Variants in SDK2 observed in about 807,000 individuals in gnomAD.
SDK2 encodes the protein sidekick cell adhesion molecule 2.
SDK2 carries 105 observed loss-of-function variants against 253.9 expected under a neutral mutation model. The ratio of observed to expected loss-of-function variants is 0.41; its 90% CI spans 0.35 to 0.49. The LOEUF (loss-of-function observed/expected upper bound fraction) is 0.49. Ranked by LOEUF, SDK2 falls within the 20% of genes least tolerant of loss-of-function variation. The pLI, the probability that SDK2 is intolerant of heterozygous loss-of-function variation, is 0.06. For synonymous variants in SDK2, 1,249 were observed against 1,234.9 expected (o/e 1.01, Z -0.24); for missense variants, 2,608 against 3,003.0 (o/e 0.87, Z 3.07).
At chr17:73,598,492 C>T (rs1423807642) in intron 1 of SDK2, among the ~76,000 whole-genome samples, 3 of 152,206 alleles carry the variant, frequency 2.0e-5, no homozygotes, top group Admixed American at 2.0e-4. Flanking sequence ...TGCCTGTCTC[C>T]CCTGGCTTCC....
At chr17:73,544,756 G>T (rs948384820) in intron 1 of SDK2, among the ~76,000 whole-genome samples, 1 of 152,184 alleles carries the variant, frequency 6.6e-6, no homozygotes, top group Non-Finnish European at 1.5e-5. Flanking sequence ...GATCATGGAG[G>T]GGAAATGGCT....
intron 2 of SDK2, among the ~76,000 whole-genome samples, chr17:73,472,895 C>T (rs1045597318): frequency 1.3e-5 from 2 of 152,214 alleles, no homozygotes; most frequent in African/African-American, 4.8e-5. Flanking sequence ...TCTTTGCCTT[C>T]TGCCATCCAT....
intron 1 of SDK2, among the ~76,000 whole-genome samples, chr17:73,572,829 C>T (rs1012654068): frequency 9.2e-5 from 14 of 152,206 alleles, no homozygotes; most frequent in African/African-American, 3.4e-4. Context: ...CTCCTCCACC[C>T]CAATCTGGTC....
intron 17 of SDK2, among the ~76,000 whole-genome samples, chr17:73,415,237 C>T (rs536222519): frequency 5.8e-4 from 88 of 152,222 alleles, no homozygotes; most frequent in African/African-American, 2.0e-3. Flanking sequence ...GAGAACAGGC[C>T]ACACAGCCAA....
Position 73,386,490 on chromosome 17 carries a change from T to A in SDK2, c.4453A>T (p.Ser1485Cys). 1.9e-6 allele frequency: 3 copies of A among 1,562,280 alleles called. No individual in the cohort carries two copies. Among genetic ancestry groups the A allele is most frequent in the Non-Finnish European group, 2.6e-6 (3 of 1,153,112 alleles). Reference sequence around the variant, plus strand: ...GACTCCGACTCCTCGCTGAACTCGCTGTCGCCAATGTCATTGGTCGCCTTC... The same window carrying A: ...GACTCCGACTCCTCGCTGAACTCGCAGTCGCCAATGTCATTGGTCGCCTTC... ...RVKATNDIGD[S>C]EFSEESESLT... The change falls in exon 31 of 45, where the codon AGC (serine) becomes TGC (cysteine). Residue 1485 changes from serine to cysteine, a missense_variant. By Grantham distance (112) the Ser-to-Cys change is moderately radical (BLOSUM62 -1). Around this residue, in one of 2 missense-constraint regions of SDK2, gnomAD observed 1,103 missense variants for 1,143.9 expected, o/e 0.96. Coordinates refer to ENST00000392650, the MANE Select transcript of SDK2 (RefSeq NM_001144952.2).
chr17:73,379,994 C>T lies in SDK2; in HGVS notation c.4763-445G>A, dbSNP rs753082929. ...GGGGCTCAGCTCCAGGGGGGAGGGG[C>T]GCATTGGATGTGAATTCTGGACTAA... On this transcript the variant is annotated intron_variant, in intron 34 of 44. Coordinates refer to ENST00000392650, the MANE Select transcript of SDK2 (RefSeq NM_001144952.2). The surrounding 1 kb of genome is among the most constrained non-coding windows in gnomAD (Gnocchi z 4.5). 2.3e-4 allele frequency among the ~76,000 whole-genome samples: 35 copies of T among 152,114 alleles called. No individual in the cohort carries two copies. The highest frequency in any genetic ancestry group is 2.9e-4 in the Non-Finnish European group (20 of 67,992).
chr17:73,543,403 C>A lies in SDK2; in HGVS notation c.65-35806G>T, dbSNP rs575673109. Among the ~76,000 whole-genome samples the A allele has an allele frequency of 3.3e-5, 5 of 152,320 alleles. No individual in the cohort carries two copies. The East Asian group carries it at 5.8e-4, about 18-fold the overall frequency. On this transcript the variant is annotated intron_variant, in intron 1 of 44. Transcript: ENST00000392650. ...TCATATCCCCTGGGAAAAGATTCCC[C>A]ACTCTGAGGACAGGTGTGTGGCACA...
At chr17:73,358,867 G>A (rs72853930) in intron 39 of SDK2, among the ~76,000 whole-genome samples, 21 of 152,078 alleles carry the variant, frequency 1.4e-4, no homozygotes, top group East Asian at 3.9e-4. Flanking sequence ...GCCCCATGCC[G>A]CGCTCCTGGA....
At chr17:73,636,113 GC>G (rs1286626818) in intron 1 of SDK2, among the ~76,000 whole-genome samples, 1 of 152,158 alleles carries the variant, frequency 6.6e-6, no homozygotes. Context: ...AGTGACGTAT[GC>G]CGTGGAAGCC....
intron 1 of SDK2, among the ~76,000 whole-genome samples, chr17:73,579,496 G>A (rs1015157791): frequency 4.6e-5 from 7 of 152,150 alleles, no homozygotes; most frequent in Non-Finnish European, 8.8e-5. Context: ...CTGAGCTCAC[G>A]TAGCGCTTCT....
At chr17:73,535,235 T>C (rs1185659344) in intron 1 of SDK2, among the ~76,000 whole-genome samples, 3 of 152,198 alleles carry the variant, frequency 2.0e-5, no homozygotes, top group African/African-American at 7.2e-5. Flanking sequence ...AGAGCAGGAC[T>C]ATGGGAGTCA....
At position 73,612,323 on chromosome 17, in the gene SDK2, C is replaced by T. The variant is rs1408427090; in HGVS notation, c.64+31702G>A. 4.0e-5 allele frequency among the ~76,000 whole-genome samples: 6 copies of T among 149,958 alleles called. No individual in the cohort carries two copies. Among genetic ancestry groups the T allele is most frequent in the African/African-American group, 9.8e-5 (4 of 40,646 alleles). On this transcript the variant is annotated intron_variant, in intron 1 of 44. Transcript: ENST00000392650. This position sits in a 1 kb window ranked among gnomAD's most constrained non-coding sequence, Gnocchi z 4.4. ...GCCCCGCATGGTCCCCTACCCTCATCGGGTCACTGTGACCCAGCTGCACCT... is the reference window on the plus strand; with the variant it reads ...GCCCCGCATGGTCCCCTACCCTCATTGGGTCACTGTGACCCAGCTGCACCT...
In SDK2 at chr17:73,361,760, G is replaced by A. The variant is rs1259452545; in HGVS notation, c.5391C>T (p.Tyr1797=). The A allele has an allele frequency of 1.2e-6, 2 of 1,613,552 alleles. No homozygotes were observed. Among genetic ancestry groups the A allele is most frequent in the Non-Finnish European group, 1.7e-6 (2 of 1,179,682 alleles). The change falls in exon 39 of 45, where the codon TAC becomes TAT. Residue 1797 remains tyrosine, a synonymous_variant. Coordinates refer to ENST00000392650, the MANE Select transcript of SDK2 (RefSeq NM_001144952.2). This position sits in a 1 kb window ranked among gnomAD's most constrained non-coding sequence, Gnocchi z 4.1. ...KVKDLAEGVT[Y]RFRIRAKTFT... ...AGGTCTTGGCTCTGATGCGGAACCT[G>A]TAGGTCACCCCCTCCGCCAGGTCCT... is the stretch of plus-strand genomic sequence containing the variant.
chr17:73,436,622 G>GCC (rs957448611), intron 8 of SDK2, among the ~76,000 whole-genome samples: 5 of 147,782 alleles, frequency 3.4e-5, no homozygotes, highest in African/African-American at 1.2e-4. Flanking sequence ...AGAAGAGTTG[G>GCC]CCACACCCTA....
At chr17:73,640,126 T>C (rs956541509) in intron 1 of SDK2, among the ~76,000 whole-genome samples, 1 of 152,152 alleles carries the variant, frequency 6.6e-6, no homozygotes, top group African/African-American at 2.4e-5. Flanking sequence ...TGTAAAGAAT[T>C]TGGCCTCCTT....
Position 73,415,900 on chromosome 17 carries a change from C to T in SDK2, c.2279G>A (p.Trp760Ter). 1 of 1,604,826 alleles carries T rather than the reference C, an allele frequency of 6.2e-7. No individual in the cohort carries two copies. The highest frequency in any genetic ancestry group is 8.5e-7 in the Non-Finnish European group (1 of 1,175,836). The change falls in exon 17 of 45, where the codon TGG (tryptophan) becomes TAG (stop). Residue 760 changes from tryptophan (W) to a stop codon, truncating the protein, a stop_gained. Transcript: ENST00000392650. LOFTEE classifies it high-confidence loss of function. ...NNLLLEDLIIWTNYEIEVAAY... is the reference protein window; with the variant it reads ...NNLLLEDLII ...AGCCACCTCGATCTCGTAGTTGGTC[C>T]AAATGATGAGATCCTCCAGCAGCAG... is the stretch of plus-strand genomic sequence containing the variant.
intron 3 of SDK2, among the ~76,000 whole-genome samples, chr17:73,466,713 A>AGCCCC: frequency 1.2e-5 from 1 of 81,924 alleles, no homozygotes; most frequent in African/African-American, 6.8e-5. Context: ...GCTCTGGGGA[A>AGCCCC]CGCCCCCCCC....
intron 1 of SDK2, among the ~76,000 whole-genome samples, chr17:73,582,298 C>T (rs2045546791): frequency 1.4e-5 from 2 of 148,118 alleles, no homozygotes; most frequent in South Asian, 4.2e-4. Flanking sequence ...ACCACGCAGG[C>T]ATCAGCATTT....
rs1360937915 is a variant in SDK2, at chr17:73,395,706, C to T, written c.3355-314G>A. On this transcript the variant is annotated intron_variant, in intron 24 of 44. Transcript: ENST00000392650. The surrounding 1 kb of genome is among the most constrained non-coding windows in gnomAD (Gnocchi z 4.3). ...CTGTGTGTCTGACACACCGATAGCA[C>T]CGCCACCTTTGGCTCTGCTGTCTCT... is the stretch of plus-strand genomic sequence containing the variant. 6.6e-6 allele frequency among the ~76,000 whole-genome samples: 1 copy of T among 152,216 alleles called. No individual in the cohort carries two copies. Among genetic ancestry groups the T allele is most frequent in the African/African-American group, 2.4e-5 (1 of 41,464 alleles).
Sources: allele counts gnomAD v4.1 joint callset (sites outside exome capture counted in the v4.1 genomes callset), GRCh38; gene constraint gnomAD v4.1.1; regional missense constraint gnomAD v4.1.1; non-coding constraint Gnocchi (gnomAD v3.1); transcripts MANE v1.5; gene names NCBI Gene and HGNC (gene_info 2026-07-23, HGNC 2026-07-21).